PADI1: variants seen among roughly 807,000 people sequenced by gnomAD.
PADI1 encodes peptidyl arginine deiminase 1.
Under a neutral mutation model 74.8 loss-of-function variants are expected in PADI1, and 65 were observed. The observed-to-expected ratio is 0.87, with a 90% CI of 0.71 to 1.07. The LOEUF (loss-of-function observed/expected upper bound fraction) is 1.07. Among genes scored for constraint, PADI1 ranks in the 50% least tolerant of loss-of-function variants. The pLI is 0.00. For synonymous variants in PADI1, 371 were observed against 336.2 expected, an observed-to-expected ratio of 1.10 and a Z score of -1.13; for missense variants, 943 against 854.0, an observed-to-expected ratio of 1.10 and a Z score of -1.30.
Position 17,224,349 on chromosome 1 carries a change from C to T in PADI1, c.347-18C>T, listed in dbSNP as rs1412441381. 2 of 1,612,166 alleles carry T rather than the reference C, an allele frequency of 1.2e-6. No homozygotes were observed. Among genetic ancestry groups the T allele is most frequent in the Non-Finnish European group, 1.7e-6 (2 of 1,178,696 alleles). On this transcript the variant is annotated intron_variant, in intron 3 of 15. Transcript: ENST00000375471. ...GGGCTGGATGAGCCCCTGGCAGCCC[C>T]TCTCCATCTCTTTGCAGATATTTCC...
chr1:17,216,362 G>A (rs774507276), intron 1 of PADI1, among the ~76,000 whole-genome samples: 26 of 152,180 alleles, frequency 1.7e-4, no homozygotes, highest in Admixed American at 7.9e-4. Flanking sequence ...AGGTGAGAGC[G>A]GTCAGGGTCT....
intron 7 of PADI1, 67 bp downstream of exon 7, chr1:17,228,864 G>A: frequency 6.3e-7 from 1 of 1,597,618 alleles, no homozygotes; most frequent in South Asian, 1.1e-5. Context: ...GCAGGCTCCA[G>A]GGCTGGGCAG....
In PADI1 at chr1:17,244,974, A is replaced by G. The variant is rs2072854220; in HGVS notation, c.*731A>G. 5.8e-6 allele frequency: 1 copy of G among 173,752 alleles called. No homozygotes were observed. The highest frequency in any genetic ancestry group is 5.5e-5 in the Admixed American group (1 of 18,142). 10.8% of individuals were successfully genotyped at this position (173,752 alleles called of 1,614,324 possible). ...CCAGCTCAGAAATGCTGAGAAGCCA[A>G]CGTGAGGCCTGAGGACACACAAAGG... On this transcript the variant is annotated 3_prime_UTR_variant, in exon 16 of 16. Coordinates refer to ENST00000375471, the MANE Select transcript of PADI1 (RefSeq NM_013358.3).
Position 17,244,189 on chromosome 1 carries a change from C to A in PADI1, c.1938C>A (p.Gly646=), listed in dbSNP as rs771022410. The A allele has an allele frequency of 1.5e-4, 235 of 1,614,080 alleles. No individual in the cohort carries two copies. Among genetic ancestry groups the A allele is most frequent in the Non-Finnish European group, 1.9e-4 (229 of 1,180,032 alleles). Residue 646 remains glycine (G), a synonymous_variant, in exon 16 of 16, where the codon GGC becomes GGA. Coordinates refer to ENST00000375471, the MANE Select transcript of PADI1 (RefSeq NM_013358.3). ...AGCTGCAGGGGGAGATCCACTGTGG[C>A]ACCAACGTGCGCAGGAAGCCCTTTC... ...YHELQGEIHC[G]TNVRRKPFPF... is the part of the protein sequence containing the mutation.
chr1:17,228,363 C>T (rs1033417793), intron 6 of PADI1, among the ~76,000 whole-genome samples: 5 of 152,166 alleles, frequency 3.3e-5, no homozygotes, highest in African/African-American at 1.2e-4. Flanking sequence ...GTAATTTTCA[C>T]CTTTTGTGCC....
chr1:17,205,173 T>TGGGGAGCC lies in PADI1; in HGVS notation c.-44_-37dup, dbSNP rs760330899. On this transcript the variant is annotated 5_prime_UTR_variant, in exon 1 of 16. Coordinates refer to ENST00000375471, the MANE Select transcript of PADI1 (RefSeq NM_013358.3). ...GCAAAGAAGTGCCCAGGACGGGAGC[T>TGGGGAGCC]GGGGAGCCAGGGCTGATCTAGGAGG... The TGGGGAGCC allele has an allele frequency of 6.6e-7, 1 of 1,518,982 alleles. No individual in the cohort carries two copies. Among genetic ancestry groups the TGGGGAGCC allele is most frequent in the East Asian group, 2.3e-5 (1 of 44,218 alleles). The allele number at this position is 1,518,982 out of a possible 1,614,324, so 94.1% of individuals were successfully genotyped here. A position where few individuals can be genotyped will look rare whatever the true frequency, so the allele number is the denominator to read the frequency against.
intron 4 of PADI1, among the ~76,000 whole-genome samples, chr1:17,225,537 C>A (rs536817979): frequency 3.3e-5 from 5 of 152,192 alleles, no homozygotes; most frequent in African/African-American, 1.2e-4. Context: ...AGGGCCATTT[C>A]TTGGTGTGGT....
chr1:17,241,176 G>A (rs553142860), intron 15 of PADI1, among the ~76,000 whole-genome samples: 1 of 152,366 alleles, frequency 6.6e-6, no homozygotes, highest in Admixed American at 6.5e-5. Flanking sequence ...CTGCTCCCCA[G>A]TGGGGGTCCT....
rs1312693439 is a variant in PADI1 at position 17,239,704 on chromosome 1, GGTTAAAACACCA to G, written c.1555_1566del (p.Leu519_Gln522del). Reference sequence around the variant, plus strand: ...ATGTACTGTCTTTCTCTTCTTGCAGGGTTAAAACACCAGGCAAAAAGAAGCATTAATGAGATG... The same window carrying G: ...ATGTACTGTCTTTCTCTTCTTGCAGGGGCAAAAAGAAGCATTAATGAGATG... On this transcript the variant is annotated inframe_deletion and splice_region_variant, in exon 14 of 16. Coordinates refer to ENST00000375471, the MANE Select transcript of PADI1 (RefSeq NM_013358.3). 1 of 1,612,968 alleles carries G rather than the reference GGTTAAAACACCA, an allele frequency of 6.2e-7. No homozygotes were observed. The highest frequency in any genetic ancestry group is 8.5e-7 in the Non-Finnish European group (1 of 1,178,966).
chr1:17,225,266 G>A (rs1220643764), intron 4 of PADI1, among the ~76,000 whole-genome samples: 1 of 152,248 alleles, frequency 6.6e-6, no homozygotes, highest in Non-Finnish European at 1.5e-5. Flanking sequence ...GTCTGGTGGG[G>A]AGGTGTGTTG....
At chr1:17,213,182 A>AC (rs2071878223) in intron 1 of PADI1, among the ~76,000 whole-genome samples, 1 of 151,980 alleles carries the variant, frequency 6.6e-6, no homozygotes, top group South Asian at 2.1e-4. Flanking sequence ...TGGGGACGTA[A>AC]TCTCCTACCA....
chr1:17,220,335 G>C (rs1187173670), intron 1 of PADI1, among the ~76,000 whole-genome samples: 1 of 152,186 alleles, frequency 6.6e-6, no homozygotes, highest in East Asian at 1.9e-4. Flanking sequence ...GGGGCCAAGT[G>C]ATCATGGCAG....
intron 6 of PADI1, among the ~76,000 whole-genome samples, chr1:17,226,459 C>A (rs2072314662): frequency 6.6e-6 from 1 of 152,170 alleles, no homozygotes; most frequent in Admixed American, 6.5e-5. Context: ...TTTACCATTG[C>A]CCCACACCCG....
At chr1:17,235,053 G>T (rs1288940297) in intron 11 of PADI1, among the ~76,000 whole-genome samples, 1 of 150,870 alleles carries the variant, frequency 6.6e-6, no homozygotes, top group Non-Finnish European at 1.5e-5. Context: ...GGAGGCAGAG[G>T]TTGCGCTGAG....
Position 17,240,775 on chromosome 1 carries a change from G to T in PADI1, c.1758+15G>T. 6.2e-7 allele frequency: 1 copy of T among 1,612,230 alleles called. No homozygotes were observed. On this transcript the variant is annotated intron_variant, in intron 15 of 15. Transcript: ENST00000375471. ...TCCCAGACATGGTGAGAGCCCTTGT[G>T]CAGGGTCCTGCTGGGGGGTCTGCGG...
intron 12 of PADI1, among the ~76,000 whole-genome samples, chr1:17,237,731 T>C (rs1358957404): frequency 1.3e-5 from 2 of 152,244 alleles, no homozygotes; most frequent in African/African-American, 2.4e-5. Flanking sequence ...GATACTCACA[T>C]GTTTTAATTC....
At chr1:17,205,959 C>T (rs770822739) in intron 1 of PADI1, among the ~76,000 whole-genome samples, 4 of 152,174 alleles carry the variant, frequency 2.6e-5, no homozygotes, top group Non-Finnish European at 4.4e-5. Context: ...GAGGGGGCAT[C>T]AGTAGCATTT....
At position 17,244,231 on chromosome 1, in the gene PADI1, C is replaced by A. The variant is rs574507464; in HGVS notation, c.1980C>A (p.Asn660Lys). 5.0e-6 allele frequency: 8 copies of A among 1,613,378 alleles called. No individual in the cohort carries two copies. The highest frequency in any genetic ancestry group is 2.2e-5 in the South Asian group (2 of 91,068). The change falls in exon 16 of 16, where the codon AAC becomes AAA. Residue 660 changes from asparagine (N) to lysine (K), a missense_variant. Coordinates refer to ENST00000375471, the MANE Select transcript of PADI1 (RefSeq NM_013358.3). ...AGCCCTTTCCCTTCAAATGGTGGAACATGGTGCCCTGAGCCTGCCCCCACC... is the reference window on the plus strand; with the variant it reads ...AGCCCTTTCCCTTCAAATGGTGGAAAATGGTGCCCTGAGCCTGCCCCCACC... Reference protein sequence around the residue: ...RRKPFPFKWWNMVP With the variant: ...RRKPFPFKWWKMVP
intron 1 of PADI1, among the ~76,000 whole-genome samples, chr1:17,218,323 A>G (rs571407077): frequency 1.4e-4 from 21 of 152,264 alleles, no homozygotes; most frequent in South Asian, 1.2e-3. Flanking sequence ...TTTATAATAA[A>G]TTTATATATA....
Sources: allele counts gnomAD v4.1 joint callset (sites outside exome capture counted in the v4.1 genomes callset), GRCh38; gene constraint gnomAD v4.1.1; transcripts MANE v1.5; gene names NCBI Gene and HGNC (gene_info 2026-07-23, HGNC 2026-07-21).